Variants in CTIF observed in about 807,000 individuals in gnomAD.
The protein encoded by CTIF is CBP80/20-dependent translation initiation factor.
In CTIF, 21 loss-of-function variants were observed where a neutral mutation model predicts 66.0. That is an observed-to-expected ratio of 0.32 (90% CI 0.23 to 0.46). The LOEUF (loss-of-function observed/expected upper bound fraction) is 0.46. CTIF is among the 20% of genes least tolerant of loss of function. The pLI is 1.00. For missense variants in CTIF, 739 were observed against 812.7 expected, an observed-to-expected ratio of 0.91 and a Z score of 1.10; for synonymous variants, 345 against 326.4, an observed-to-expected ratio of 1.06 and a Z score of -0.62.
intron 9 of CTIF, among the ~76,000 whole-genome samples, chr18:48,765,852 G>A (rs1414285584): frequency 6.6e-6 from 1 of 151,616 alleles, no homozygotes; most frequent in Non-Finnish European, 1.5e-5. Flanking sequence ...TACCTGAAAT[G>A]TGGCCCTTTT....
At chr18:48,669,654 T>C (rs1467114501) in intron 5 of CTIF, among the ~76,000 whole-genome samples, 2 of 151,578 alleles carry the variant, frequency 1.3e-5, no homozygotes, top group African/African-American at 4.8e-5. Context: ...CATTATTTAT[T>C]TTAATTTTGT....
chr18:48,849,693 C>T (rs1440762898), intron 10 of CTIF, among the ~76,000 whole-genome samples: 2 of 148,574 alleles, frequency 1.3e-5, no homozygotes, highest in African/African-American at 5.0e-5. Context: ...TCAAGCAATT[C>T]TCCTGCCTCA....
At chr18:48,545,072 T>C (rs989175312) in intron 1 of CTIF, among the ~76,000 whole-genome samples, 1 of 151,952 alleles carries the variant, frequency 6.6e-6, no homozygotes, top group Non-Finnish European at 1.5e-5. Context: ...TGAATCTTAA[T>C]GGATGAAAAG....
chr18:48,826,257 C>T (rs1284821157), intron 10 of CTIF: 1 of 152,148 alleles, frequency 6.6e-6, no homozygotes, highest in Non-Finnish European at 1.5e-5. Flanking sequence ...GAATACAAAC[C>T]GTGTTCCAGG....
chr18:48,654,503 G>A (rs1012495340), intron 3 of CTIF, among the ~76,000 whole-genome samples: 9 of 152,304 alleles, frequency 5.9e-5, no homozygotes, highest in African/African-American at 2.2e-4. Flanking sequence ...TGGAGAAATA[G>A]GAACACTTTT....
chr18:48,754,702 A>G (rs1908175623), intron 7 of CTIF, among the ~76,000 whole-genome samples: 1 of 152,190 alleles, frequency 6.6e-6, no homozygotes, highest in Admixed American at 6.5e-5. Flanking sequence ...ATGGCTTTCC[A>G]CATGTGCAAA....
intron 9 of CTIF, among the ~76,000 whole-genome samples, chr18:48,807,586 T>G (rs1490689079): frequency 2.7e-5 from 3 of 111,498 alleles, no homozygotes; most frequent in South Asian, 2.7e-4. Flanking sequence ...TTGTGTTTTT[T>G]TTTTTTTTTT....
chr18:48,804,181 G>GA (rs2068099125), intron 9 of CTIF, among the ~76,000 whole-genome samples: 1 of 152,166 alleles, frequency 6.6e-6, no homozygotes, highest in South Asian at 2.1e-4. Context: ...CCTAAAAAGG[G>GA]ACACACCCAA....
chr18:48,612,628 G>A (rs532669156), intron 1 of CTIF, among the ~76,000 whole-genome samples: 3 of 152,370 alleles, frequency 2.0e-5, no homozygotes, highest in Admixed American at 2.0e-4. Flanking sequence ...GCTGTGATGA[G>A]TGGATTTAGC....
chr18:48,608,742 G>A (rs2090253274), intron 1 of CTIF, among the ~76,000 whole-genome samples: 2 of 152,228 alleles, frequency 1.3e-5, no homozygotes, highest in South Asian at 2.1e-4. Flanking sequence ...CCTGTTCTGG[G>A]CTGTGGACAC....
rs577347996 is a variant in CTIF at position 48,544,198 on chromosome 18, G to C, written c.-29+4886G>C. On this transcript the variant is annotated intron_variant, in intron 1 of 11. Transcript: ENST00000256413. ...TGGATAGTGGTTGGTTGACACTGGG[G>C]CTACTTTAATACGCTGCACTTGATT... Among the ~76,000 whole-genome samples, 7 of 152,348 alleles carry C rather than the reference G, an allele frequency of 4.6e-5. No individual in the cohort carries two copies. In the East Asian group the frequency reaches 1.3e-3, roughly 29 times the overall value.
At chr18:48,820,735 C>T (rs1004235522) in intron 10 of CTIF, among the ~76,000 whole-genome samples, 13 of 152,196 alleles carry the variant, frequency 8.5e-5, no homozygotes, top group African/African-American at 1.7e-4. Flanking sequence ...TCTGTACCCC[C>T]GGGGCTCCCC....
chr18:48,845,437 C>T (rs1313850037), intron 10 of CTIF, among the ~76,000 whole-genome samples: 1 of 152,204 alleles, frequency 6.6e-6, no homozygotes, highest in African/African-American at 2.4e-5. Context: ...CTTCTTGGAA[C>T]TCTTGGCCCT....
intron 9 of CTIF, among the ~76,000 whole-genome samples, chr18:48,767,283 G>A (rs540050616): frequency 1.3e-5 from 2 of 152,332 alleles, no homozygotes; most frequent in East Asian, 3.9e-4. Context: ...TCACAGAGAA[G>A]TGAAGAACGA....
intron 10 of CTIF, among the ~76,000 whole-genome samples, chr18:48,847,232 C>T (rs1161429392): frequency 6.7e-6 from 1 of 149,072 alleles, no homozygotes; most frequent in African/African-American, 2.5e-5. Context: ...CGCTTGAACC[C>T]GGGAAGCAGA....
intron 1 of CTIF, among the ~76,000 whole-genome samples, chr18:48,594,924 G>T (rs887384095): frequency 3.3e-5 from 5 of 152,200 alleles, no homozygotes; most frequent in Non-Finnish European, 7.3e-5. Context: ...TTGATGAACT[G>T]CAGGAGTTGC....
chr18:48,655,142 T>A (rs901973946), intron 3 of CTIF, among the ~76,000 whole-genome samples: 2 of 151,092 alleles, frequency 1.3e-5, no homozygotes, highest in African/African-American at 2.4e-5. Flanking sequence ...ATAATAATAA[T>A]AAAAATACAA....
intron 2 of CTIF, among the ~76,000 whole-genome samples, chr18:48,623,840 A>T (rs1011538965): frequency 4.6e-5 from 7 of 151,552 alleles, no homozygotes; most frequent in African/African-American, 1.7e-4. Flanking sequence ...AACTAGAAAG[A>T]AATGAAGGAT....
intron 10 of CTIF, among the ~76,000 whole-genome samples, chr18:48,821,474 T>C (rs2068482432): frequency 6.6e-6 from 1 of 152,246 alleles, no homozygotes; most frequent in African/African-American, 2.4e-5. Flanking sequence ...GACCACCCCA[T>C]TTCACTGCCT....
Sources: allele counts gnomAD v4.1 joint callset (sites outside exome capture counted in the v4.1 genomes callset), GRCh38; gene constraint gnomAD v4.1.1; transcripts MANE v1.5; gene names NCBI Gene and HGNC (gene_info 2026-07-23, HGNC 2026-07-21).